The following MRPS6 variants were observed in gnomAD, a reference collection of about 807,000 sequenced individuals.
MRPS6 encodes small ribosomal subunit protein bS6m.
A neutral mutation model predicts 13.1 loss-of-function variants in MRPS6; 6 were observed. The observed-to-expected ratio is 0.46, with a 90% confidence interval of 0.25 to 0.91. The LOEUF (loss-of-function observed/expected upper bound fraction) is 0.91, where lower values mean the gene tolerates loss of function less well. Ranked by LOEUF, MRPS6 falls within the 40% of genes least tolerant of loss-of-function variation. The probability of loss-of-function intolerance (pLI) is 0.18; values close to 1 mark genes in which losing one functional copy is unlikely to be tolerated. For synonymous variants in MRPS6, 61 were observed against 56.5 expected (o/e 1.08, Z -0.36); for missense variants, 164 against 155.6 (o/e 1.05, Z -0.29).
chr21:34,109,959 G>A (rs1237708826), intron 1 of MRPS6, among the ~76,000 whole-genome samples: 1 of 152,112 alleles, frequency 6.6e-6, no homozygotes, highest in African/African-American at 2.4e-5. Flanking sequence ...AGCATAATTA[G>A]GTGCTTGTGT....
intron 1 of MRPS6, among the ~76,000 whole-genome samples, chr21:34,080,056 C>T (rs911576272): frequency 5.9e-5 from 9 of 152,138 alleles, no homozygotes; most frequent in African/African-American, 2.2e-4. Flanking sequence ...TTTGTTTCTT[C>T]CTTGGACTCT....
chr21:34,129,266 C>G (rs1355235783), intron 2 of MRPS6, among the ~76,000 whole-genome samples: 4 of 152,112 alleles, frequency 2.6e-5, no homozygotes, highest in Admixed American at 2.6e-4. Context: ...GCTTATGGTT[C>G]TCGGTTCTCT....
chr21:34,128,077 T>A (rs1055470149), intron 2 of MRPS6, among the ~76,000 whole-genome samples: 1 of 152,192 alleles, frequency 6.6e-6, no homozygotes, highest in Non-Finnish European at 1.5e-5. Flanking sequence ...ATCGTGTGTT[T>A]GTTGCTTTTA....
intron 2 of MRPS6, among the ~76,000 whole-genome samples, chr21:34,139,116 CAT>C (rs1258619814): frequency 7.1e-6 from 1 of 141,124 alleles, no homozygotes; most frequent in African/African-American, 2.7e-5. Flanking sequence ...TGTTCTCACT[CAT>C]AGGTGGGAAT....
chr21:34,073,825 G>A, intron 1 of MRPS6, 80 bp downstream of exon 1: 3 of 1,131,522 alleles, frequency 2.7e-6, no homozygotes, highest in East Asian at 8.7e-5. Context: ...CGCGCGCCCT[G>A]GCCGCGGGAC....
intron 2 of MRPS6, among the ~76,000 whole-genome samples, chr21:34,134,725 G>T (rs1219059726): frequency 1.3e-5 from 2 of 151,796 alleles, no homozygotes; most frequent in Non-Finnish European, 2.9e-5. Context: ...ACTTTATGAT[G>T]GTGCAGAAGT....
intron 1 of MRPS6, among the ~76,000 whole-genome samples, chr21:34,112,294 A>G (rs972102211): frequency 6.6e-6 from 1 of 152,214 alleles, no homozygotes; most frequent in Non-Finnish European, 1.5e-5. Flanking sequence ...ATGAGTAAGA[A>G]GCAATTTGAA....
Position 34,121,240 on chromosome 21 carries a change from CTT to C in MRPS6, c.46-4099_46-4098del, listed in dbSNP as rs1370103448. ...ATCAGAATTGGGGGGCATAAAAAGA[CTT>C]TCATCAAACTTTGTTGTGCCTCCAG... is the stretch of plus-strand genomic sequence containing the variant. On this transcript the variant is annotated intron_variant, in intron 1 of 2. Transcript: ENST00000399312. 2.6e-5 allele frequency among the ~76,000 whole-genome samples: 4 copies of C among 152,160 alleles called. No homozygotes were observed. In the East Asian group the frequency reaches 5.8e-4, roughly 22 times the overall value.
intron 1 of MRPS6, chr21:34,097,197 A>T: frequency 6.2e-7 from 1 of 1,614,114 alleles, no homozygotes; most frequent in Non-Finnish European, 8.5e-7. Flanking sequence ...CTTTAAAAGT[A>T]AGAGCCTCAG....
intron 1 of MRPS6, among the ~76,000 whole-genome samples, chr21:34,109,819 T>G (rs568370685): frequency 6.6e-6 from 1 of 151,884 alleles, no homozygotes; most frequent in South Asian, 2.1e-4. Context: ...AAAAAAAAAA[T>G]CCTGCACAAT....
At chr21:34,076,055 T>A (rs985348347) in intron 1 of MRPS6, among the ~76,000 whole-genome samples, 2 of 152,206 alleles carry the variant, frequency 1.3e-5, no homozygotes, top group Middle Eastern at 3.2e-3. Flanking sequence ...TCTTTACCCC[T>A]TTAATATGAT....
intron 1 of MRPS6, chr21:34,105,235 A>G: frequency 1.0e-6 from 1 of 1,000,242 alleles, no homozygotes; most frequent in South Asian, 4.7e-5. Flanking sequence ...CTTTGCTTGG[A>G]CATCCCATTT....
chr21:34,116,743 T>C (rs1979929889), intron 1 of MRPS6, among the ~76,000 whole-genome samples: 1 of 152,136 alleles, frequency 6.6e-6, no homozygotes, highest in African/African-American at 2.4e-5. Context: ...GCCGGCACAA[T>C]GCTGAAAACA....
chr21:34,107,563 T>C (rs997192112), intron 1 of MRPS6, among the ~76,000 whole-genome samples: 1 of 152,232 alleles, frequency 6.6e-6, no homozygotes, highest in African/African-American at 2.4e-5. Context: ...ACCCCTAGTT[T>C]TAGCATTCAT....
At chr21:34,099,852 G>C (rs1979154786) in intron 1 of MRPS6, 1 of 493,158 alleles carries the variant, frequency 2.0e-6, no homozygotes, top group Admixed American at 6.4e-5. Context: ...AGTCCCTGAA[G>C]CTTGTCTTTC....
intron 1 of MRPS6, among the ~76,000 whole-genome samples, chr21:34,076,079 C>T (rs1461423004): frequency 2.6e-5 from 4 of 152,122 alleles, no homozygotes; most frequent in African/African-American, 4.8e-5. Flanking sequence ...TTTTCCTTTC[C>T]TCCCCAAATC....
chr21:34,101,544 CAG>C, intron 1 of MRPS6: 1 of 1,000,156 alleles, frequency 1.0e-6, no homozygotes, highest in Non-Finnish European at 1.2e-6. Context: ...ACTTACCATT[CAG>C]AGAGACTGGT....
At chr21:34,134,275 G>T (rs1391592576) in intron 2 of MRPS6, among the ~76,000 whole-genome samples, 1 of 152,230 alleles carries the variant, frequency 6.6e-6, no homozygotes, top group Non-Finnish European at 1.5e-5. Flanking sequence ...AGTTTTCAGA[G>T]TGAGCCCAAG....
At chr21:34,110,403 C>A (rs1979649888) in intron 1 of MRPS6, among the ~76,000 whole-genome samples, 1 of 152,020 alleles carries the variant, frequency 6.6e-6, no homozygotes, top group Admixed American at 6.6e-5. Flanking sequence ...TTGCTTGAGC[C>A]TGGGAGGTCG....
Sources: gnomAD v4.1 joint callset for allele counts (sites outside exome capture counted in the v4.1 genomes callset) on GRCh38, gnomAD v4.1.1 for gene constraint, MANE v1.5 for transcripts, NCBI Gene and HGNC (gene_info 2026-07-23, HGNC 2026-07-21) for gene names.